Variants in CDHR3 observed in about 807,000 individuals in gnomAD.
CDHR3 encodes cadherin-related family member 3.
CDHR3 carries 79 observed loss-of-function variants against 86.6 expected under a neutral mutation model. The observed-to-expected ratio is 0.91, with a 90% CI of 0.76 to 1.10. The LOEUF is 1.10. Among genes scored for constraint, CDHR3 ranks in the 50% least tolerant of loss-of-function variants. The pLI is 0.00. For synonymous variants in CDHR3, 421 were observed against 402.4 expected (o/e 1.05, Z -0.55); for missense variants, 1,081 against 1,077.6 (o/e 1.00, Z -0.04).
In CDHR3 at chr7:106,022,423, C is replaced by A. The variant is rs200065621; in HGVS notation, c.2051C>A (p.Thr684Asn). 555 of 1,613,948 alleles carry A rather than the reference C, an allele frequency of 3.4e-4. 1 individual carries two copies. The African/African-American group carries it at 6.4e-3, about 19-fold the overall frequency. The change falls in exon 14 of 19, where the codon ACC becomes AAC. Residue 684 changes from threonine (T) to asparagine (N), a missense_variant. Physicochemically the swap from Thr to Asn is moderately conservative, Grantham distance 65 (BLOSUM62 0). Transcript: ENST00000317716. ...TLSIKVIPHP[T>N]TIITTTPRPR... ...AGTATTAAAGTCATTCCCCACCCAA[C>A]CACTATCATCACCACGACCCCCAGG...
chr7:105,984,769 C>A (rs1830277985), intron 4 of CDHR3, among the ~76,000 whole-genome samples: 1 of 152,052 alleles, frequency 6.6e-6, no homozygotes, highest in Non-Finnish European at 1.5e-5. Context: ...CTGCTTAGAG[C>A]CAAGTTTAAA....
intron 6 of CDHR3, among the ~76,000 whole-genome samples, chr7:106,001,127 A>G (rs759807844): frequency 6.6e-6 from 1 of 152,240 alleles, no homozygotes; most frequent in Non-Finnish European, 1.5e-5. Context: ...GAGAAAAGAT[A>G]GCTGGATAGG....
rs571178214 is a variant in CDHR3 at position 105,984,605 on chromosome 7, T to C, written c.513+316T>C. Among the ~76,000 whole-genome samples the C allele has an allele frequency of 1.4e-4, 22 of 152,274 alleles. No individual in the cohort carries two copies. The East Asian group carries it at 4.2e-3, about 29-fold the overall frequency. On this transcript the variant is annotated intron_variant, in intron 4 of 18. Coordinates refer to ENST00000317716, the MANE Select transcript of CDHR3 (RefSeq NM_152750.5). ...GAAGCTGTGAGTATTACATAGACAA[T>C]GCATGTAAAACCACTTAGTGCAGTG...
chr7:106,028,920 C>CTTTCTTTCTTTCTT (rs1226869220), intron 17 of CDHR3, among the ~76,000 whole-genome samples: 1,877 of 60,676 alleles, frequency 0.031, 70 homozygotes, highest in Middle Eastern at 0.068. Context: ...TTTAAATTTT[C>CTTTCTTTCTTTCTT]TTTCTTTCTT....
At chr7:105,996,076 C>T (rs540799421) in intron 5 of CDHR3, among the ~76,000 whole-genome samples, 174 bp from the exon 6 acceptor site, 2 of 152,124 alleles carry the variant, frequency 1.3e-5, no homozygotes, top group South Asian at 2.1e-4. Context: ...GGTTTGGAGA[C>T]GGGGGGAGAA....
At chr7:106,007,029 C>T (rs1329868497) in intron 8 of CDHR3, among the ~76,000 whole-genome samples, 3 of 152,232 alleles carry the variant, frequency 2.0e-5, no homozygotes, top group Non-Finnish European at 4.4e-5. Flanking sequence ...TCTGTGCAGC[C>T]GCAGGCTCAA....
intron 2 of CDHR3, among the ~76,000 whole-genome samples, chr7:105,980,585 G>GTTTTTTTTTTTTTTTTTTA (rs1829504825): frequency 9.5e-6 from 1 of 105,540 alleles, no homozygotes; most frequent in African/African-American, 3.7e-5. Context: ...GTAGTGGAAG[G>GTTTTTTTTTTTTTTTTTTA]TTTTTTTTTT....
chr7:105,968,765 C>A (rs1219690579), intron 1 of CDHR3, among the ~76,000 whole-genome samples: 1 of 152,174 alleles, frequency 6.6e-6, no homozygotes, highest in African/African-American at 2.4e-5. Context: ...CACACTGACC[C>A]CTAGTCAAGG....
intron 6 of CDHR3, among the ~76,000 whole-genome samples, chr7:105,999,087 G>T (rs79116993): frequency 6.6e-6 from 1 of 152,232 alleles, no homozygotes. Flanking sequence ...TGGGGGTCAG[G>T]TGTTACGGGG....
chr7:106,020,053 G>C (rs866206055), intron 12 of CDHR3, among the ~76,000 whole-genome samples: 1 of 149,240 alleles, frequency 6.7e-6, no homozygotes, highest in Non-Finnish European at 1.5e-5. Context: ...GTGTGTGGGG[G>C]GGGGGCAAGG....
Position 106,020,377 on chromosome 7 carries a change from C to T in CDHR3, c.1658C>T (p.Thr553Ile). 8 of 1,606,938 alleles carry T rather than the reference C, an allele frequency of 5.0e-6. No individual in the cohort carries two copies. Among genetic ancestry groups the T allele is most frequent in the East Asian group, 2.2e-5 (1 of 44,642 alleles). The change falls in exon 13 of 19, where the codon ACT (threonine) becomes ATT (isoleucine). Residue 553 changes from threonine to isoleucine, a missense_variant. Coordinates refer to ENST00000317716, the MANE Select transcript of CDHR3 (RefSeq NM_152750.5). The stretch of plus-strand genomic sequence containing the variant: ...ACCACCTTCTTGCTACTCTAGGTTA[C>T]TGTGAACATCCTTGAAGAAAATGAT... The part of the protein sequence containing the change: ...NNEDTSSVTV[T>I]VNILEENDEK...
intron 13 of CDHR3, among the ~76,000 whole-genome samples, chr7:106,021,312 C>T (rs1045972236): frequency 2.6e-5 from 4 of 152,084 alleles, no homozygotes; most frequent in Non-Finnish European, 2.9e-5. Flanking sequence ...TGCCCTTGGC[C>T]GAGCAGGAAC....
In CDHR3 at chr7:105,965,912, C is replaced by T. The variant is rs368532545; in HGVS notation, c.46+2548C>T. Among the ~76,000 whole-genome samples the T allele has an allele frequency of 9.2e-5, 14 of 152,164 alleles. No individual in the cohort carries two copies. In the East Asian group the frequency reaches 2.7e-3, roughly 29 times the overall value. On this transcript the variant is annotated intron_variant, in intron 1 of 18. Coordinates refer to ENST00000317716, the MANE Select transcript of CDHR3 (RefSeq NM_152750.5). The stretch of plus-strand genomic sequence containing the variant: ...TGAGTCTGGTATGGTTTTTTCCCCA[C>T]ATTTACTGATACACCCCAAATGTAG...
Position 105,996,286 on chromosome 7 carries a change from C to T in CDHR3, c.645C>T (p.Gly215=). The change falls in exon 6 of 19, where the codon GGC becomes GGT. Residue 215 remains glycine, a synonymous_variant. Coordinates refer to ENST00000317716, the MANE Select transcript of CDHR3 (RefSeq NM_152750.5). ...TCGTGGAGGTGAGGGACAGTGGAGG[C>T]CTCAAAGCCTCCACAGAGCTCCAGG... ...HLIVEVRDSG[G]LKASTELQVN... 1 of 1,599,742 alleles carries T rather than the reference C, an allele frequency of 6.3e-7. No homozygotes were observed. Among genetic ancestry groups the T allele is most frequent in the Middle Eastern group, 1.7e-4 (1 of 6,020 alleles).
chr7:106,012,726 G>A, intron 8 of CDHR3, 134 bp from the exon 9 acceptor site: 2 of 933,330 alleles, frequency 2.1e-6, no homozygotes, highest in Non-Finnish European at 1.6e-6. Flanking sequence ...AGACCAGTTA[G>A]GAGGTGACTG....
chr7:105,968,657 G>A (rs1449965448), intron 1 of CDHR3, among the ~76,000 whole-genome samples: 2 of 152,042 alleles, frequency 1.3e-5, no homozygotes, highest in Non-Finnish European at 2.9e-5. Flanking sequence ...ACTGTGCCTG[G>A]CCGAGCATAT....
chr7:106,032,834 T>C lies in CDHR3; in HGVS notation c.*137T>C, dbSNP rs976982565. On this transcript the variant is annotated 3_prime_UTR_variant, in exon 19 of 19. Coordinates refer to ENST00000317716, the MANE Select transcript of CDHR3 (RefSeq NM_152750.5). ...ACATCCAGGGTCAAACATGGGATGTTTGACAAATTTTTAAACAAATAGAAA... is the reference window on the plus strand; with the variant it reads ...ACATCCAGGGTCAAACATGGGATGTCTGACAAATTTTTAAACAAATAGAAA... The C allele has an allele frequency of 2.2e-5, 18 of 829,950 alleles. No homozygotes were observed. Among genetic ancestry groups the C allele is most frequent in the East Asian group, 5.4e-5 (2 of 37,064 alleles). 51.4% of individuals were successfully genotyped at this position (829,950 alleles called of 1,614,324 possible). A position where few individuals can be genotyped will look rare whatever the true frequency, so the allele number is the denominator to read the frequency against.
chr7:106,000,211 C>T (rs1014394867), intron 6 of CDHR3, among the ~76,000 whole-genome samples: 2 of 152,214 alleles, frequency 1.3e-5, no homozygotes, highest in Non-Finnish European at 1.5e-5. Flanking sequence ...CTGGGGTGAC[C>T]TTAGGCTGAA....
chr7:106,004,617 C>A lies in CDHR3; in HGVS notation c.982C>A (p.Arg328Ser), dbSNP rs749341687. Reference protein sequence around the residue: ...KDRPYGGQENRIQITFIVEDV... With the variant: ...KDRPYGGQENSIQITFIVEDV... ...CAGACCATATGGGGGTCAGGAGAAT[C>A]GCATCCAGATAACCTTCATTGTGGA... Residue 328 changes from arginine (R) to serine (S), a missense_variant, in exon 8 of 19, where the codon CGC (arginine) becomes AGC (serine). Transcript: ENST00000317716. 33 of 1,613,994 alleles carry A rather than the reference C, an allele frequency of 2.0e-5. No individual in the cohort carries two copies. The African/African-American group carries it at 3.2e-4, about 16-fold the overall frequency.
Sources: allele counts gnomAD v4.1 joint callset (sites outside exome capture counted in the v4.1 genomes callset), GRCh38; gene constraint gnomAD v4.1.1; transcripts MANE v1.5; gene names NCBI Gene and HGNC (gene_info 2026-07-23, HGNC 2026-07-21).